Variants in NUDT4 observed in about 807,000 individuals in gnomAD.
NUDT4 encodes the protein diphosphoinositol polyphosphate phosphohydrolase 2.
Under a neutral mutation model 23.1 loss-of-function variants are expected in NUDT4, and 5 were observed. The ratio of observed to expected loss-of-function variants is 0.22; its 90% CI spans 0.11 to 0.46. The LOEUF is 0.46. NUDT4 is among the 20% of genes least tolerant of loss of function. NUDT4 has a pLI of 0.99. For missense variants in NUDT4, 96 were observed against 211.6 expected (o/e 0.45, Z 3.39); for synonymous variants, 50 against 79.0 (o/e 0.63, Z 1.95).
intron 3 of NUDT4, among the ~76,000 whole-genome samples, chr12:93,396,772 G>A (rs1426594963): frequency 2.3e-4 from 35 of 152,154 alleles, no homozygotes; most frequent in Admixed American, 2.2e-3. Flanking sequence ...AATTAGCCGG[G>A]CATGGTGACG....
chr12:93,396,776 G>A (rs1175416506), intron 3 of NUDT4, among the ~76,000 whole-genome samples: 2 of 152,164 alleles, frequency 1.3e-5, no homozygotes, highest in Non-Finnish European at 2.9e-5. Flanking sequence ...AGCCGGGCAT[G>A]GTGACGCACG....
intron 1 of NUDT4, among the ~76,000 whole-genome samples, chr12:93,379,153 G>T (rs1465899008): frequency 6.6e-6 from 1 of 152,162 alleles, no homozygotes; most frequent in Non-Finnish European, 1.5e-5. Context: ...TTGCTGTCTG[G>T]CTTGACATCT....
intron 1 of NUDT4, among the ~76,000 whole-genome samples, chr12:93,382,520 A>T (rs1875742712): frequency 6.6e-6 from 1 of 152,130 alleles, no homozygotes; most frequent in Non-Finnish European, 1.5e-5. Flanking sequence ...CTAGAGTTAA[A>T]TCTCAACTAG....
At chr12:93,382,674 C>CTTTTTTTTTTTTTTTTTTTTTTTTTTT (rs11315217) in intron 1 of NUDT4, among the ~76,000 whole-genome samples, 2 of 111,654 alleles carry the variant, frequency 1.8e-5, no homozygotes, top group African/African-American at 7.0e-5. Context: ...CAAAGGTAGC[C>CTTTTTTTTTTTTTTTTTTTTTTTTTTT]TTTTTTTTTT....
Position 93,395,430 on chromosome 12 carries a change from A to G in NUDT4, c.211-59A>G, listed in dbSNP as rs146031966. On this transcript the variant is annotated intron_variant, in intron 2 of 4. Transcript: ENST00000415493. The stretch of plus-strand genomic sequence containing the variant: ...AGTAAATAGCCAGAGTGTAACTTGT[A>G]TTTATATACATTTTGTTATAAAAAG... 10 of 1,209,094 alleles carry G rather than the reference A, an allele frequency of 8.3e-6. No homozygotes were observed. In the East Asian group the frequency reaches 2.0e-4, roughly 24 times the overall value. 74.9% of individuals were successfully genotyped at this position (1,209,094 alleles called of 1,614,324 possible).
chr12:93,393,672 G>A (rs1876720249), intron 1 of NUDT4, among the ~76,000 whole-genome samples: 1 of 152,200 alleles, frequency 6.6e-6, no homozygotes, highest in Admixed American at 6.5e-5. Flanking sequence ...GTGGTGAGCT[G>A]CAGACTGCCA....
intron 1 of NUDT4, among the ~76,000 whole-genome samples, chr12:93,387,615 C>T (rs1592718671): frequency 6.6e-6 from 1 of 152,112 alleles, no homozygotes; most frequent in Non-Finnish European, 1.5e-5. Flanking sequence ...TGTTAGTGTC[C>T]TCTGTTGTCT....
Position 93,398,274 on chromosome 12 carries a change from A to G in NUDT4, c.256-497A>G, listed in dbSNP as rs529498279. Among the ~76,000 whole-genome samples, 46 of 143,928 alleles carry G rather than the reference A, an allele frequency of 3.2e-4. No individual in the cohort carries two copies. The South Asian group carries it at 6.2e-3, about 20-fold the overall frequency. The allele number at this position is 143,928 out of a possible 152,430, so 94.4% of individuals were successfully genotyped here. ...AGAATCACTTGAACCTGGGAGGCAGAGATTGTGGGGGAGCTGAGATCACGC... is the reference window on the plus strand; with the variant it reads ...AGAATCACTTGAACCTGGGAGGCAGGGATTGTGGGGGAGCTGAGATCACGC... On this transcript the variant is annotated intron_variant, in intron 3 of 4. Transcript: ENST00000415493.
intron 1 of NUDT4, among the ~76,000 whole-genome samples, chr12:93,380,449 C>A: frequency 6.6e-6 from 1 of 152,202 alleles, no homozygotes; most frequent in Non-Finnish European, 1.5e-5. Flanking sequence ...AGACCCGTGT[C>A]ATTAGGTAAG....
intron 3 of NUDT4, among the ~76,000 whole-genome samples, chr12:93,398,201 G>A (rs760679639): frequency 1.6e-4 from 25 of 151,794 alleles, no homozygotes; most frequent in Non-Finnish European, 2.9e-4. Flanking sequence ...TTAGCCAGGC[G>A]TGGTGGCGTG....
Position 93,395,554 on chromosome 12 carries a change from C to G in NUDT4, c.255+21C>G, listed in dbSNP as rs756557472. On this transcript the variant is annotated intron_variant, in intron 3 of 4. Coordinates refer to ENST00000415493, the MANE Select transcript of NUDT4 (RefSeq NM_019094.6). ...TTGAGGTGAGTTAAAAAGTAATCTT[C>G]ACTTTGCTGATAATAGAATTAATGA... 3 of 1,578,122 alleles carry G rather than the reference C, an allele frequency of 1.9e-6. No individual in the cohort carries two copies. In the South Asian group the frequency reaches 3.3e-5, roughly 17 times the overall value.
rs73216891 is a variant in NUDT4 at position 93,407,500 on chromosome 12, G to A, written c.*8121G>A. The A allele has an allele frequency of 0.015, 2,311 of 152,328 alleles. 26 individuals carry two copies. Among genetic ancestry groups the A allele is most frequent in the Non-Finnish European group, 0.019 (1,296 of 68,068 alleles). The allele number at this position is 152,328 out of a possible 1,614,324, so 9.4% of individuals were successfully genotyped here. ...GGGGGAAGGACTAGCAGGTGTGCTC[G>A]GAGGGGACTCTAGCCAACTGGAGAG... On this transcript the variant is annotated 3_prime_UTR_variant, in exon 5 of 5. Transcript: ENST00000415493.
chr12:93,407,589 T>A lies in NUDT4; in HGVS notation c.*8210T>A, dbSNP rs1430266003. On this transcript the variant is annotated 3_prime_UTR_variant, in exon 5 of 5. Transcript: ENST00000415493. The stretch of plus-strand genomic sequence containing the variant: ...TGCTACTCAGATCCTCTCAGTTAAG[T>A]CCCGTGCACAAAGGTGGGTCAGGTC... The A allele has an allele frequency of 6.6e-6, 1 of 152,190 alleles. No homozygotes were observed. The highest frequency in any genetic ancestry group is 1.9e-4 in the East Asian group (1 of 5,196). The allele number at this position is 152,190 out of a possible 1,614,324, so 9.4% of individuals were successfully genotyped here. A position where few individuals can be genotyped will look rare whatever the true frequency, so the allele number is the denominator to read the frequency against.
chr12:93,387,714 A>C (rs1303415607), intron 1 of NUDT4, among the ~76,000 whole-genome samples: 2 of 152,146 alleles, frequency 1.3e-5, no homozygotes, highest in South Asian at 4.1e-4. Flanking sequence ...ACCGCTTCCA[A>C]GTGCATGACA....
At chr12:93,379,686 CG>C (rs1413561088) in intron 1 of NUDT4, among the ~76,000 whole-genome samples, 2 of 152,092 alleles carry the variant, frequency 1.3e-5, no homozygotes, top group African/African-American at 4.8e-5. Context: ...CAGAGAAATA[CG>C]GCCCCAGCCT....
At chr12:93,393,237 G>T (rs1876687934) in intron 1 of NUDT4, among the ~76,000 whole-genome samples, 1 of 145,852 alleles carries the variant, frequency 6.9e-6, no homozygotes, top group Admixed American at 6.9e-5. Context: ...GATTAGCTGG[G>T]ATTACAGGCA....
intron 1 of NUDT4, among the ~76,000 whole-genome samples, chr12:93,387,854 T>C (rs1372487276): frequency 6.6e-6 from 1 of 152,110 alleles, no homozygotes; most frequent in Non-Finnish European, 1.5e-5. Flanking sequence ...ACTAATGCTG[T>C]TCATATTTTT....
In NUDT4 at chr12:93,407,777, T is replaced by C. The variant is rs558669534; in HGVS notation, c.*8398T>C. 6.6e-6 allele frequency: 1 copy of C among 152,152 alleles called. No homozygotes were observed. The highest frequency in any genetic ancestry group is 2.4e-5 in the African/African-American group (1 of 41,414). 9.4% of individuals were successfully genotyped at this position (152,152 alleles called of 1,614,324 possible). ...GCCCAAAGGCCAGGTGAAGCTGCAG[T>C]TTTCAACTGCTGCCTTGGCCTCTCC... On this transcript the variant is annotated 3_prime_UTR_variant, in exon 5 of 5. Transcript: ENST00000415493.
chr12:93,386,802 A>T (rs561023782), intron 1 of NUDT4, among the ~76,000 whole-genome samples: 1 of 152,270 alleles, frequency 6.6e-6, no homozygotes, highest in South Asian at 2.1e-4. Context: ...TTGTATTAGC[A>T]GATATGTCAA....
Sources: gnomAD v4.1 joint callset for allele counts (sites outside exome capture counted in the v4.1 genomes callset) on GRCh38, gnomAD v4.1.1 for gene constraint, MANE v1.5 for transcripts, NCBI Gene and HGNC (gene_info 2026-07-23, HGNC 2026-07-21) for gene names.